Variants in HHIP observed in about 807,000 individuals in gnomAD.
The protein encoded by HHIP is hedgehog interacting protein.
Under a neutral mutation model 74.0 loss-of-function variants are expected in HHIP, and 12 were observed. The ratio of observed to expected loss-of-function variants is 0.16; its 90% CI spans 0.10 to 0.26. The LOEUF (loss-of-function observed/expected upper bound fraction) is 0.26, where lower values mean the gene tolerates loss of function less well. HHIP is among the 10% of genes least tolerant of loss of function. The pLI, the probability that HHIP is intolerant of heterozygous loss-of-function variation, is 1.00. For missense variants in HHIP, 788 were observed against 845.0 expected (o/e 0.93, Z 0.84); for synonymous variants, 309 against 311.6 (o/e 0.99, Z 0.09).
intron 4 of HHIP, among the ~76,000 whole-genome samples, chr4:144,685,216 C>G (rs557663359): frequency 6.6e-6 from 1 of 152,250 alleles, no homozygotes; most frequent in Non-Finnish European, 1.5e-5. Flanking sequence ...TCTGTTCAAG[C>G]TCAGTAGTTG....
intron 4 of HHIP, among the ~76,000 whole-genome samples, chr4:144,688,436 T>C (rs1729546226): frequency 6.6e-6 from 1 of 152,026 alleles, no homozygotes; most frequent in Admixed American, 6.5e-5. Flanking sequence ...TGAAAATGCA[T>C]AATTTATGCA....
At chr4:144,652,517 C>T (rs957859552) in intron 1 of HHIP, 88 bp from the exon 2 acceptor site, 1 of 788,966 alleles carries the variant, frequency 1.3e-6, no homozygotes, top group Non-Finnish European at 2.1e-6. Flanking sequence ...TTAGACTTTT[C>T]TACTTACACA....
intron 4 of HHIP, among the ~76,000 whole-genome samples, chr4:144,698,462 G>C (rs1488580264): frequency 6.6e-6 from 1 of 152,106 alleles, no homozygotes; most frequent in Non-Finnish European, 1.5e-5. Flanking sequence ...TTGCAGCCTA[G>C]GAGCAACGGG....
intron 1 of HHIP, among the ~76,000 whole-genome samples, chr4:144,651,616 T>A (rs1728430318): frequency 6.6e-6 from 1 of 152,064 alleles, no homozygotes; most frequent in South Asian, 2.1e-4. Flanking sequence ...AATTCCATTA[T>A]GATGTTTTTA....
intron 10 of HHIP, among the ~76,000 whole-genome samples, chr4:144,716,692 A>G (rs891077288): frequency 3.3e-5 from 5 of 151,778 alleles, no homozygotes; most frequent in African/African-American, 1.2e-4. Context: ...TACAAAAACT[A>G]CAAAAAATTA....
At chr4:144,715,546 C>A in intron 10 of HHIP, 116 bp downstream of exon 10, 3 of 1,004,602 alleles carry the variant, frequency 3.0e-6, no homozygotes, top group Non-Finnish European at 4.3e-6. Context: ...GAAATGTAAT[C>A]CACAGCAAAG....
intron 4 of HHIP, among the ~76,000 whole-genome samples, chr4:144,673,000 G>A (rs1303042743): frequency 6.6e-6 from 1 of 152,118 alleles, no homozygotes; most frequent in Non-Finnish European, 1.5e-5. Flanking sequence ...CCTGGCTCCG[G>A]CCCAAACTTT....
rs1167034512 is a variant in HHIP, at chr4:144,740,905, T to C, written c.*2948T>C. The C allele has an allele frequency of 2.0e-5, 3 of 152,228 alleles. No homozygotes were observed. The highest frequency in any genetic ancestry group is 2.9e-5 in the Non-Finnish European group (2 of 68,036). 9.4% of individuals were successfully genotyped at this position (152,228 alleles called of 1,614,324 possible). ...TTGTCAGTTGAATGTGAAATGATGT[T>C]ATAGTTGTTTTAAATGGTTGGAAAT... On this transcript the variant is annotated 3_prime_UTR_variant, in exon 13 of 13. Transcript: ENST00000296575.
At chr4:144,664,995 T>C (rs1728821918) in intron 4 of HHIP, among the ~76,000 whole-genome samples, 1 of 152,258 alleles carries the variant, frequency 6.6e-6, no homozygotes, top group African/African-American at 2.4e-5. Flanking sequence ...TTTAAAATTC[T>C]GGTTACAAAC....
intron 4 of HHIP, among the ~76,000 whole-genome samples, chr4:144,671,131 A>G (rs886751658): frequency 1.3e-5 from 2 of 152,066 alleles, no homozygotes; most frequent in African/African-American, 4.8e-5. Context: ...ATCTCCAGGG[A>G]TTTGGAAGAT....
intron 11 of HHIP, among the ~76,000 whole-genome samples, chr4:144,730,796 T>G (rs1236262522): frequency 6.6e-6 from 1 of 152,142 alleles, no homozygotes; most frequent in Non-Finnish European, 1.5e-5. Context: ...AAGGGCCCTG[T>G]TCTTTTCAGT....
intron 2 of HHIP, among the ~76,000 whole-genome samples, chr4:144,653,782 A>G (rs1168484558): frequency 6.6e-6 from 1 of 152,126 alleles, no homozygotes. Flanking sequence ...AGCTCTCTTA[A>G]TAACCTTATA....
intron 8 of HHIP, 96 bp from the exon 9 acceptor site, chr4:144,714,129 C>A: frequency 9.3e-7 from 1 of 1,070,258 alleles, no homozygotes; most frequent in Non-Finnish European, 1.4e-6. Context: ...GAACACATTT[C>A]AGAGTTAAAT....
Position 144,715,424 on chromosome 4 carries a change from G to A in HHIP, c.1672G>A (p.Glu558Lys), listed in dbSNP as rs1730422191. The change falls in exon 10 of 13, where the codon GAA becomes AAA. Residue 558 changes from glutamate (E) to lysine (K), a missense_variant. Physicochemically the swap from Glu to Lys is moderately conservative, Grantham distance 56. Around this residue, in one of 3 missense-constraint regions of HHIP, gnomAD observed 343 missense variants for 347.9 expected, o/e 0.99. Transcript: ENST00000296575. ...TCACATCTTGGGATTTGGAGAAGAT[G>A]AACTAGGTACTGTACAATCTAGTTC... is the stretch of plus-strand genomic sequence containing the variant. ...SGHILGFGED[E>K]LGEVYILSSS... 1.9e-6 allele frequency: 3 copies of A among 1,613,082 alleles called. No individual in the cohort carries two copies. The highest frequency in any genetic ancestry group is 1.7e-6 in the Non-Finnish European group (2 of 1,179,372).
chr4:144,675,442 G>A (rs1417264704), intron 4 of HHIP, among the ~76,000 whole-genome samples: 1 of 151,870 alleles, frequency 6.6e-6, no homozygotes, highest in Non-Finnish European at 1.5e-5. Flanking sequence ...TATCAAACAG[G>A]AATTTAGATT....
chr4:144,681,487 G>A (rs953148189), intron 4 of HHIP, among the ~76,000 whole-genome samples: 5 of 142,936 alleles, frequency 3.5e-5, no homozygotes, highest in South Asian at 2.2e-4. Flanking sequence ...GTGCAGTGGC[G>A]TAATCTCGGC....
At chr4:144,679,732 T>C (rs906394523) in intron 4 of HHIP, among the ~76,000 whole-genome samples, 3 of 152,128 alleles carry the variant, frequency 2.0e-5, no homozygotes, top group Non-Finnish European at 4.4e-5. Flanking sequence ...GTATGACATA[T>C]TTTGTCTTTA....
At chr4:144,724,053 G>C (rs1730721247) in intron 11 of HHIP, among the ~76,000 whole-genome samples, 2 of 152,088 alleles carry the variant, frequency 1.3e-5, no homozygotes, top group South Asian at 4.1e-4. Flanking sequence ...AAATTTTAGA[G>C]ATATACCACA....
At chr4:144,670,764 G>GAAAAAAAAAAAAAAAAAAAAAAAAA (rs1167213848) in intron 4 of HHIP, among the ~76,000 whole-genome samples, 5 of 54,890 alleles carry the variant, frequency 9.1e-5, no homozygotes, top group African/African-American at 2.2e-4. Flanking sequence ...CTTAAGATTT[G>GAAAAAAAAAAAAAAAAAAAAAAAAA]AAAAAAAAAA....
Sources: gnomAD v4.1 joint callset for allele counts (sites outside exome capture counted in the v4.1 genomes callset) on GRCh38, gnomAD v4.1.1 for gene constraint, gnomAD v4.1.1 regional missense constraint, MANE v1.5 for transcripts, NCBI Gene and HGNC (gene_info 2026-07-23, HGNC 2026-07-21) for gene names.